The following CDH18 variants were observed in gnomAD, a reference collection of about 807,000 sequenced individuals.
CDH18 encodes cadherin-18.
CDH18 carries 31 observed loss-of-function variants against 67.9 expected under a neutral mutation model. The ratio of observed to expected loss-of-function variants is 0.46; its 90% CI spans 0.34 to 0.62. CDH18 has a LOEUF of 0.62. Among genes scored for constraint, CDH18 ranks in the 20% least tolerant of loss-of-function variants. The probability of loss-of-function intolerance (pLI) is 0.01; values close to 1 mark genes in which losing one functional copy is unlikely to be tolerated. For missense variants in CDH18, 890 were observed against 975.5 expected (o/e 0.91, Z 1.17); for synonymous variants, 362 against 347.2 (o/e 1.04, Z -0.48).
At chr5:19,694,207 C>A (rs907731087) in intron 5 of CDH18, among the ~76,000 whole-genome samples, 1 of 152,086 alleles carries the variant, frequency 6.6e-6, no homozygotes, top group East Asian at 1.9e-4. Flanking sequence ...AAAGGCAAAT[C>A]TAATTTTTTA....
chr5:20,124,488 G>T (rs80189338), intron 2 of CDH18, among the ~76,000 whole-genome samples: 7,007 of 152,150 alleles, frequency 0.046, 392 homozygotes, highest in East Asian at 0.27. Context: ...TTGCTGTGAG[G>T]ATTAAAATAA....
intron 1 of CDH18, among the ~76,000 whole-genome samples, chr5:20,556,834 G>C (rs1757932686): frequency 6.6e-6 from 1 of 152,146 alleles, no homozygotes; most frequent in Non-Finnish European, 1.5e-5. Context: ...AATAGCCAGA[G>C]ATTTTGTTCT....
At chr5:20,562,437 G>A (rs1362618703) in intron 1 of CDH18, among the ~76,000 whole-genome samples, 2 of 151,578 alleles carry the variant, frequency 1.3e-5, no homozygotes. Flanking sequence ...GTGGAATGGG[G>A]TTAGTAAACA....
chr5:20,488,698 T>C (rs868495056), intron 1 of CDH18, among the ~76,000 whole-genome samples: 1,426 of 126,030 alleles, frequency 0.011, 19 homozygotes, highest in African/African-American at 0.038. Flanking sequence ...TATATATATA[T>C]ATACACACAC....
chr5:19,603,553 A>G (rs1402031049), intron 6 of CDH18, among the ~76,000 whole-genome samples: 1 of 152,008 alleles, frequency 6.6e-6, no homozygotes, highest in Non-Finnish European at 1.5e-5. Context: ...AATAAAATCA[A>G]AATGAGAACA....
intron 2 of CDH18, among the ~76,000 whole-genome samples, chr5:19,963,552 G>C (rs1271682237): frequency 6.6e-6 from 1 of 151,870 alleles, no homozygotes; most frequent in Non-Finnish European, 1.5e-5. Context: ...TTGTATAAAG[G>C]GCTTTTTCTC....
At position 19,929,953 on chromosome 5, in the gene CDH18, T is replaced by C. The variant is rs1793494356; in HGVS notation, c.-257+51107A>G. On this transcript the variant is annotated intron_variant, in intron 2 of 12. Transcript: ENST00000382275. ...ACGTTGGTTTAGGCTCCTGTAGAGGTTGAAGTAGAAACTAAGAAAAAATAG... is the reference window on the plus strand; with the variant it reads ...ACGTTGGTTTAGGCTCCTGTAGAGGCTGAAGTAGAAACTAAGAAAAAATAG... Among the ~76,000 whole-genome samples the C allele has an allele frequency of 2.0e-5, 3 of 151,932 alleles. No individual in the cohort carries two copies. In the South Asian group the frequency reaches 6.2e-4, roughly 31 times the overall value.
At chr5:19,584,793 C>CAAAA (rs61297842) in intron 7 of CDH18, among the ~76,000 whole-genome samples, 2,856 of 75,044 alleles carry the variant, frequency 0.038, 96 homozygotes, top group Non-Finnish European at 0.043. Flanking sequence ...ACTAAAAATA[C>CAAAA]AAAAAAAAAA....
intron 1 of CDH18, among the ~76,000 whole-genome samples, chr5:20,471,406 T>C (rs1458238234): frequency 6.6e-6 from 1 of 152,136 alleles, no homozygotes; most frequent in Non-Finnish European, 1.5e-5. Context: ...TCATAAATCA[T>C]GGTAATCTTT....
chr5:20,242,629 T>TAC (rs1580563860), intron 2 of CDH18, among the ~76,000 whole-genome samples: 13 of 120,804 alleles, frequency 1.1e-4, no homozygotes, highest in African/African-American at 2.5e-4. Context: ...TATATATATA[T>TAC]ATATGTATAT....
intron 2 of CDH18, among the ~76,000 whole-genome samples, chr5:20,183,887 ATTGATT>A (rs964271772): frequency 6.6e-6 from 1 of 152,138 alleles, no homozygotes; most frequent in African/African-American, 2.4e-5. Context: ...TTTGAGTAAT[ATTGATT>A]TTATCTAATG....
intron 2 of CDH18, among the ~76,000 whole-genome samples, chr5:20,151,845 T>C (rs1050046297): frequency 6.6e-6 from 1 of 151,934 alleles, no homozygotes; most frequent in South Asian, 2.1e-4. Flanking sequence ...GAATCATCAC[T>C]GGAAATATAA....
At chr5:19,927,549 A>G (rs61192164) in intron 2 of CDH18, among the ~76,000 whole-genome samples, 4,621 of 152,240 alleles carry the variant, frequency 0.03, 241 homozygotes, top group East Asian at 0.22. Flanking sequence ...TTCCTTTAAT[A>G]AAGATGTATG....
chr5:19,621,464 G>A (rs888788001), intron 5 of CDH18, among the ~76,000 whole-genome samples: 4 of 152,050 alleles, frequency 2.6e-5, no homozygotes, highest in South Asian at 4.2e-4. Flanking sequence ...TATACCTGTT[G>A]TCCACATCCA....
chr5:19,710,284 T>C (rs1426021874), intron 5 of CDH18, among the ~76,000 whole-genome samples: 1 of 152,144 alleles, frequency 6.6e-6, no homozygotes, highest in Non-Finnish European at 1.5e-5. Context: ...TTAGAAATGG[T>C]ATTATTTTGA....
intron 5 of CDH18, among the ~76,000 whole-genome samples, chr5:19,694,368 A>G (rs945824467): frequency 1.3e-5 from 2 of 152,170 alleles, no homozygotes; most frequent in African/African-American, 4.8e-5. Context: ...AGTATTAATG[A>G]TAAAATGTTA....
chr5:20,316,046 A>G (rs1333174045), intron 1 of CDH18, among the ~76,000 whole-genome samples: 1 of 152,160 alleles, frequency 6.6e-6, no homozygotes, highest in South Asian at 2.1e-4. Flanking sequence ...AATAGAAGAC[A>G]GCATTAATCC....
At chr5:20,307,802 C>T (rs1487138274) in intron 1 of CDH18, among the ~76,000 whole-genome samples, 1 of 152,120 alleles carries the variant, frequency 6.6e-6, no homozygotes, top group African/African-American at 2.4e-5. Context: ...CTAAAACTTA[C>T]AAAATATTTC....
intron 1 of CDH18, among the ~76,000 whole-genome samples, chr5:20,271,924 CAGAGAGAG>C (rs201955881): frequency 2.0e-5 from 3 of 146,562 alleles, no homozygotes; most frequent in African/African-American, 5.0e-5. Flanking sequence ...TGTAGAGAGG[CAGAGAGAG>C]AGAGAGAGAG....
Sources: allele counts gnomAD v4.1 joint callset (sites outside exome capture counted in the v4.1 genomes callset), GRCh38; gene constraint gnomAD v4.1.1; transcripts MANE v1.5; gene names NCBI Gene and HGNC (gene_info 2026-07-23, HGNC 2026-07-21).